The following ANKRD36C variants were observed in gnomAD, a reference collection of about 807,000 sequenced individuals.
ANKRD36C encodes ankyrin repeat domain-containing protein 36C.
A neutral mutation model predicts 276.4 loss-of-function variants in ANKRD36C; 61 were observed. The ratio of observed to expected loss-of-function variants is 0.22; its 90% CI spans 0.18 to 0.27. The LOEUF is 0.27. Among genes scored for constraint, ANKRD36C ranks in the 10% least tolerant of loss-of-function variants. ANKRD36C has a pLI of 1.00. For missense variants in ANKRD36C, 1,447 were observed against 2,032.3 expected, an observed-to-expected ratio of 0.71 and a Z score of 5.54; for synonymous variants, 483 against 680.1, an observed-to-expected ratio of 0.71 and a Z score of 4.51.
intron 3 of ANKRD36C, among the ~76,000 whole-genome samples, chr2:95,985,315 G>C (rs1302668199): frequency 6.6e-6 from 1 of 152,190 alleles, no homozygotes; most frequent in Non-Finnish European, 1.5e-5. Context: ...GAAATTTAAA[G>C]GAAGCAGCAC....
At chr2:95,911,014 A>C (rs1258094012) in intron 42 of ANKRD36C, among the ~76,000 whole-genome samples, 2 of 151,454 alleles carry the variant, frequency 1.3e-5, no homozygotes, top group Non-Finnish European at 1.5e-5. Flanking sequence ...TTGCCCAATA[A>C]CTGAGAAGGC....
chr2:95,926,763 T>A (rs1648494654), intron 28 of ANKRD36C, among the ~76,000 whole-genome samples: 1 of 151,586 alleles, frequency 6.6e-6, no homozygotes, highest in Admixed American at 6.6e-5. Context: ...TGCCTGACAA[T>A]CCTCTTCCTT....
intron 6 of ANKRD36C, among the ~76,000 whole-genome samples, chr2:95,967,222 G>A (rs1221579032): frequency 6.6e-6 from 1 of 152,128 alleles, no homozygotes; most frequent in African/African-American, 2.4e-5. Flanking sequence ...TACAGAATGG[G>A]AGGAAATGTT....
intron 44 of ANKRD36C, chr2:95,894,119 T>A: frequency 3.6e-6 from 1 of 276,750 alleles, no homozygotes; most frequent in South Asian, 4.8e-5. Context: ...ATCAAAAGGA[T>A]TTACACCATT....
intron 4 of ANKRD36C, among the ~76,000 whole-genome samples, chr2:95,981,214 T>C (rs2104535949): frequency 6.6e-6 from 1 of 151,820 alleles, no homozygotes; most frequent in East Asian, 1.9e-4. Context: ...GTAGTAGTCG[T>C]AGCTTCAGTT....
intron 34 of ANKRD36C, among the ~76,000 whole-genome samples, chr2:95,920,456 T>C (rs1296814136): frequency 7.5e-6 from 1 of 132,846 alleles, no homozygotes; most frequent in Non-Finnish European, 1.7e-5. Context: ...TCACCTTGGA[T>C]ATCTGTTTGC....
At position 95,890,123 on chromosome 2, in the gene ANKRD36C, T is replaced by C. The variant is rs556577319; in HGVS notation, c.2858-129A>G. ...AGTGTAGGCTTTGATGGCTTCTATATTGTGTCGGGGACAAGAACATGACAG... is the reference window on the plus strand; with the variant it reads ...AGTGTAGGCTTTGATGGCTTCTATACTGTGTCGGGGACAAGAACATGACAG... On this transcript the variant is annotated intron_variant, in intron 46 of 66. Transcript: ENST00000456556. 5.6e-6 allele frequency: 7 copies of C among 1,253,656 alleles called. No individual in the cohort carries two copies. In the African/African-American group the frequency reaches 1.0e-4, roughly 19 times the overall value. 77.7% of individuals were successfully genotyped at this position (1,253,656 alleles called of 1,614,324 possible).
intron 6 of ANKRD36C, among the ~76,000 whole-genome samples, chr2:95,976,185 T>TA (rs1330031433): frequency 6.6e-6 from 1 of 152,354 alleles, no homozygotes; most frequent in African/African-American, 2.4e-5. Flanking sequence ...TTGGTGGGAC[T>TA]GTAAACTAGT....
chr2:95,957,497 T>C (rs937127384), intron 12 of ANKRD36C, among the ~76,000 whole-genome samples: 16 of 152,290 alleles, frequency 1.1e-4, no homozygotes, highest in African/African-American at 2.9e-4. Context: ...ACCCATGTGG[T>C]ATAATAATGA....
intron 42 of ANKRD36C, among the ~76,000 whole-genome samples, chr2:95,910,801 G>A (rs1676894381): frequency 6.6e-6 from 1 of 151,350 alleles, no homozygotes; most frequent in African/African-American, 2.4e-5. Flanking sequence ...TTTCTCATAT[G>A]TCTAAAACTA....
At chr2:95,958,542 CT>C (rs1163608038) in intron 12 of ANKRD36C, 48 bp downstream of exon 12, 2 of 1,537,572 alleles carry the variant, frequency 1.3e-6, no homozygotes, top group African/African-American at 2.7e-5. Context: ...AAGGGAAGTT[CT>C]CCTCTATCTT....
chr2:95,912,485 T>C (rs767475595), intron 40 of ANKRD36C, 50 bp from the exon 43 acceptor site: 1 of 1,603,172 alleles, frequency 6.2e-7, no homozygotes, highest in Non-Finnish European at 8.5e-7. Flanking sequence ...TATGATAAAG[T>C]TATCCATACA....
chr2:95,871,583 C>A (rs1003240368), intron 59 of ANKRD36C, among the ~76,000 whole-genome samples: 1 of 152,000 alleles, frequency 6.6e-6, no homozygotes, highest in Non-Finnish European at 1.5e-5. Context: ...TAAAGACCAT[C>A]GAGACTAGGA....
intron 3 of ANKRD36C, among the ~76,000 whole-genome samples, chr2:95,983,790 G>C (rs1678971752): frequency 6.6e-6 from 1 of 150,686 alleles, no homozygotes; most frequent in African/African-American, 2.4e-5. Context: ...CTAATTTTTT[G>C]TATTTGTAGT....
chr2:95,965,795 C>A (rs918137184), intron 6 of ANKRD36C, among the ~76,000 whole-genome samples: 26 of 151,688 alleles, frequency 1.7e-4, no homozygotes, highest in African/African-American at 6.1e-4. Context: ...ATATATATAT[C>A]ACTGATTTTA....
chr2:95,875,536 G>A (rs1298429476), intron 59 of ANKRD36C, among the ~76,000 whole-genome samples: 1 of 114,192 alleles, frequency 8.8e-6, no homozygotes, highest in African/African-American at 3.3e-5. Context: ...GTTGTGGGGT[G>A]GGGGGAGGGG....
At chr2:95,894,679 C>A (rs367853774) in intron 44 of ANKRD36C, among the ~76,000 whole-genome samples, 5 of 150,198 alleles carry the variant, frequency 3.3e-5, no homozygotes, top group East Asian at 2.0e-4. Flanking sequence ...TTCATATTCA[C>A]GTTTATCTCA....
chr2:95,854,357 G>A (rs4069330), intron 63 of ANKRD36C, among the ~76,000 whole-genome samples: 3 of 150,422 alleles, frequency 2.0e-5, no homozygotes, highest in African/African-American at 7.3e-5. Flanking sequence ...TCCACCTCCC[G>A]CCCTGACTCA....
At chr2:95,896,322 C>A (rs577153926) in intron 44 of ANKRD36C, among the ~76,000 whole-genome samples, 1 of 149,220 alleles carries the variant, frequency 6.7e-6, no homozygotes, top group Admixed American at 6.7e-5. Flanking sequence ...TCTACAAAGT[C>A]AAATGGCTAC....
Sources: gnomAD v4.1 joint callset for allele counts (sites outside exome capture counted in the v4.1 genomes callset) on GRCh38, gnomAD v4.1.1 for gene constraint, MANE v1.5 for transcripts, NCBI Gene and HGNC (gene_info 2026-07-23, HGNC 2026-07-21) for gene names.